The following CPXM2 variants were observed in gnomAD, a reference collection of about 807,000 sequenced individuals.
The protein encoded by CPXM2 is carboxypeptidase X, M14 family member 2.
Under a neutral mutation model 86.1 loss-of-function variants are expected in CPXM2, and 66 were observed. That is an observed-to-expected ratio of 0.77 (90% confidence interval 0.63 to 0.94). The LOEUF is 0.94. Among genes scored for constraint, CPXM2 ranks in the 40% least tolerant of loss-of-function variants. CPXM2 has a pLI of 0.00. For synonymous variants in CPXM2, 388 were observed against 400.2 expected (o/e 0.97, Z 0.36); for missense variants, 948 against 1,026.3 (o/e 0.92, Z 1.04).
intron 6 of CPXM2, among the ~76,000 whole-genome samples, chr10:123,785,195 A>G (rs1847022918): frequency 6.6e-6 from 1 of 151,620 alleles, no homozygotes; most frequent in African/African-American, 2.4e-5. Flanking sequence ...CCAATTCTTT[A>G]TTGAAGATGC....
At chr10:123,797,336 C>T (rs1278050222) in intron 6 of CPXM2, among the ~76,000 whole-genome samples, 1 of 152,176 alleles carries the variant, frequency 6.6e-6, no homozygotes, top group Non-Finnish European at 1.5e-5. Context: ...ACGTGTTCTC[C>T]CAAATTTCAA....
chr10:123,858,039 C>T (rs962906585), intron 3 of CPXM2, among the ~76,000 whole-genome samples: 1 of 152,252 alleles, frequency 6.6e-6, no homozygotes, highest in African/African-American at 2.4e-5. Context: ...CGTGACAGTG[C>T]ACTCTGTGGC....
intron 6 of CPXM2, among the ~76,000 whole-genome samples, chr10:123,783,924 C>T (rs1277846824): frequency 6.6e-6 from 1 of 152,144 alleles, no homozygotes; most frequent in Non-Finnish European, 1.5e-5. Flanking sequence ...CCAGAAGTAG[C>T]GCCTGAAATG....
At chr10:123,839,908 A>C (rs983735419) in intron 4 of CPXM2, among the ~76,000 whole-genome samples, 2 of 152,210 alleles carry the variant, frequency 1.3e-5, no homozygotes, top group Non-Finnish European at 2.9e-5. Flanking sequence ...AGTAACTCTT[A>C]AAGTAATTCT....
At chr10:123,904,195 A>C (rs1945411419) in intron 2 of CPXM2, among the ~76,000 whole-genome samples, 1 of 152,166 alleles carries the variant, frequency 6.6e-6, no homozygotes, top group South Asian at 2.1e-4. Context: ...TTTCTGGAAA[A>C]TTCTGTCTCA....
At chr10:123,866,497 G>A (rs1379720553) in intron 2 of CPXM2, among the ~76,000 whole-genome samples, 2 of 152,014 alleles carry the variant, frequency 1.3e-5, no homozygotes, top group Non-Finnish European at 2.9e-5. Flanking sequence ...CCTGGGAGGC[G>A]GAGGTTGCAG....
intron 2 of CPXM2, among the ~76,000 whole-genome samples, chr10:123,926,028 C>T (rs1056717603): frequency 2.6e-5 from 4 of 152,174 alleles, no homozygotes; most frequent in Non-Finnish European, 5.9e-5. Context: ...AGAAGGACTT[C>T]CAGAGACACA....
At chr10:123,835,427 T>C (rs1848257921) in intron 4 of CPXM2, among the ~76,000 whole-genome samples, 1 of 152,196 alleles carries the variant, frequency 6.6e-6, no homozygotes, top group Non-Finnish European at 1.5e-5. Context: ...TAATTTCAAA[T>C]AACTATCCCT....
At chr10:123,863,863 A>G (rs567717831) in intron 2 of CPXM2, among the ~76,000 whole-genome samples, 114 of 152,238 alleles carry the variant, frequency 7.5e-4, no homozygotes, top group African/African-American at 2.5e-3. Flanking sequence ...ACCTCAGGAC[A>G]ATGGGCCCCT....
At chr10:123,766,928 G>A in intron 10 of CPXM2, 45 bp downstream of exon 10, 1 of 1,491,250 alleles carries the variant, frequency 6.7e-7, no homozygotes, top group Non-Finnish European at 9.4e-7. Flanking sequence ...TGGAGGTTAA[G>A]CCTTGCCTTT....
intron 2 of CPXM2, among the ~76,000 whole-genome samples, chr10:123,932,901 G>A (rs1211306895): frequency 6.6e-6 from 1 of 152,194 alleles, no homozygotes; most frequent in Non-Finnish European, 1.5e-5. Context: ...TCACATGGGG[G>A]AGAGCTGGTT....
chr10:123,924,708 G>A lies in CPXM2; in HGVS notation n.174+14769C>T, dbSNP rs888843382. 2.6e-5 allele frequency among the ~76,000 whole-genome samples: 4 copies of A among 152,132 alleles called. 1 individual carries two copies. The highest frequency in any genetic ancestry group is 5.9e-5 in the Non-Finnish European group (4 of 68,020). ...GAGGATGCAGAGTGGCGGTGGGTGAGCTGAAAGTTCCAAGCCTCTAGTCCT... is the reference window on the plus strand; with the variant it reads ...GAGGATGCAGAGTGGCGGTGGGTGAACTGAAAGTTCCAAGCCTCTAGTCCT... On this transcript the variant is annotated intron_variant and non_coding_transcript_variant, in intron 2 of 19. Transcript: ENST00000368854.
intron 2 of CPXM2, among the ~76,000 whole-genome samples, chr10:123,866,509 G>A (rs1848984482): frequency 6.6e-6 from 1 of 151,872 alleles, no homozygotes; most frequent in African/African-American, 2.4e-5. Context: ...AGGTTGCAGT[G>A]AGCCGAGATC....
rs78574919 is a variant in CPXM2 at position 123,874,921 on chromosome 10, A to T, written c.403+5290T>A. 5.0e-3 allele frequency among the ~76,000 whole-genome samples: 756 copies of T among 152,356 alleles called. 21 individuals carry two copies. The highest frequency in any genetic ancestry group is 0.037 in the East Asian group (191 of 5,190). On this transcript the variant is annotated intron_variant, in intron 2 of 13. Transcript: ENST00000241305. Reference sequence around the variant, plus strand: ...TGGGTGCTACCGAGCACATCAGAACATCAGAGTTCTGTCCCCTAAACCCTT... The same window carrying T: ...TGGGTGCTACCGAGCACATCAGAACTTCAGAGTTCTGTCCCCTAAACCCTT...
chr10:123,786,717 A>G (rs917251547), intron 6 of CPXM2, among the ~76,000 whole-genome samples: 3 of 152,174 alleles, frequency 2.0e-5, no homozygotes, highest in Admixed American at 2.0e-4. Flanking sequence ...TGGGCTAAAC[A>G]GAAACCAGCC....
chr10:123,752,067 T>G (rs1564749178), intron 13 of CPXM2: 1 of 985,194 alleles, frequency 1.0e-6, no homozygotes. Flanking sequence ...TCAAGGAATG[T>G]TCTAGGCTCT....
intron 10 of CPXM2, among the ~76,000 whole-genome samples, chr10:123,764,370 T>G (rs1846420061): frequency 6.6e-6 from 1 of 152,256 alleles, no homozygotes. Context: ...CGAGATAGTA[T>G]TGTGAATAAT....
chr10:123,835,855 G>A (rs574346088), intron 4 of CPXM2, among the ~76,000 whole-genome samples: 4 of 152,340 alleles, frequency 2.6e-5, no homozygotes, highest in South Asian at 2.1e-4. Flanking sequence ...AGGCCGGGAC[G>A]ATGCCTCAGG....
At chr10:123,814,514 T>TAG (rs1280113411) in intron 4 of CPXM2, among the ~76,000 whole-genome samples, 5 of 152,192 alleles carry the variant, frequency 3.3e-5, no homozygotes, top group Admixed American at 6.5e-5. Context: ...TATCTCTCTA[T>TAG]CCTATTAGTT....
Sources: allele counts gnomAD v4.1 joint callset (sites outside exome capture counted in the v4.1 genomes callset), GRCh38; gene constraint gnomAD v4.1.1; transcripts MANE v1.5; gene names NCBI Gene and HGNC (gene_info 2026-07-23, HGNC 2026-07-21).